The following SSBP2 variants were observed in gnomAD, a reference collection of about 807,000 sequenced individuals.
The protein encoded by SSBP2 is single-stranded DNA-binding protein 2.
SSBP2 carries 17 observed loss-of-function variants against 61.8 expected under a neutral mutation model. That is an observed-to-expected ratio of 0.28 (90% CI 0.19 to 0.41). The LOEUF is 0.41. SSBP2 is among the 10% of genes least tolerant of loss of function. The probability of loss-of-function intolerance (pLI) is 1.00; values close to 1 mark genes in which losing one functional copy is unlikely to be tolerated. For synonymous variants in SSBP2, 139 were observed against 141.3 expected, an observed-to-expected ratio of 0.98 and a Z score of 0.12; for missense variants, 310 against 458.7, an observed-to-expected ratio of 0.68 and a Z score of 2.96.
intron 16 of SSBP2, among the ~76,000 whole-genome samples, chr5:81,424,993 A>T (rs1186448480): frequency 6.6e-6 from 1 of 152,200 alleles, no homozygotes; most frequent in East Asian, 1.9e-4. Context: ...CCAGATGATA[A>T]AACAGCTCTT....
At chr5:81,615,373 G>T in intron 4 of SSBP2, 100 bp downstream of exon 4, 1 of 878,154 alleles carries the variant, frequency 1.1e-6, no homozygotes, top group Non-Finnish European at 1.9e-6. Flanking sequence ...AATTTCTTAA[G>T]TACCAAAACA....
chr5:81,637,675 G>A (rs1748365073), intron 2 of SSBP2, among the ~76,000 whole-genome samples: 1 of 152,122 alleles, frequency 6.6e-6, no homozygotes, highest in Admixed American at 6.5e-5. Context: ...ATATCACAAG[G>A]TTGTTGTGAG....
At chr5:81,729,082 C>A (rs1469006467) in intron 1 of SSBP2, among the ~76,000 whole-genome samples, 1 of 152,028 alleles carries the variant, frequency 6.6e-6, no homozygotes, top group Non-Finnish European at 1.5e-5. Flanking sequence ...TATATCAAAA[C>A]ACCGTATTGT....
chr5:81,666,208 C>T (rs1156815012), intron 1 of SSBP2, among the ~76,000 whole-genome samples: 1 of 152,142 alleles, frequency 6.6e-6, no homozygotes, highest in Non-Finnish European at 1.5e-5. Flanking sequence ...TTGTTTTAAA[C>T]ACACTTATAA....
At chr5:81,702,493 C>T (rs1754063694) in intron 1 of SSBP2, among the ~76,000 whole-genome samples, 2 of 152,038 alleles carry the variant, frequency 1.3e-5, no homozygotes, top group South Asian at 4.1e-4. Context: ...GCAATAGAAA[C>T]AAAATAATGG....
At chr5:81,459,357 C>A (rs971927333) in intron 10 of SSBP2, among the ~76,000 whole-genome samples, 6 of 152,268 alleles carry the variant, frequency 3.9e-5, no homozygotes, top group African/African-American at 1.2e-4. Context: ...ACCCTGTCCA[C>A]CTTCCTAGGT....
At chr5:81,423,310 T>C (rs1761728592) in intron 16 of SSBP2, among the ~76,000 whole-genome samples, 3 of 152,254 alleles carry the variant, frequency 2.0e-5, no homozygotes. Flanking sequence ...TTTAGTCGTA[T>C]GTAATTTTAA....
At chr5:81,426,586 G>A (rs1160939149) in intron 16 of SSBP2, among the ~76,000 whole-genome samples, 1 of 152,214 alleles carries the variant, frequency 6.6e-6, no homozygotes, top group African/African-American at 2.4e-5. Flanking sequence ...GTTTCTAAAT[G>A]CACATATTCA....
At chr5:81,472,387 A>T (rs1027519109) in intron 8 of SSBP2, among the ~76,000 whole-genome samples, 1 of 152,148 alleles carries the variant, frequency 6.6e-6, no homozygotes, top group African/African-American at 2.4e-5. Flanking sequence ...TTTTATAGAG[A>T]AGTCAGCTAA....
chr5:81,555,711 C>T (rs1772540872), intron 4 of SSBP2, among the ~76,000 whole-genome samples: 1 of 152,010 alleles, frequency 6.6e-6, no homozygotes, highest in African/African-American at 2.4e-5. Flanking sequence ...ATAACAATTG[C>T]TGTTAACATT....
intron 1 of SSBP2, among the ~76,000 whole-genome samples, chr5:81,678,765 A>G (rs1295940658): frequency 1.3e-5 from 2 of 152,134 alleles, no homozygotes; most frequent in African/African-American, 4.8e-5. Flanking sequence ...AATAAAGTAG[A>G]GTTGAGAGGA....
At chr5:81,593,011 GAGA>G (rs1743248411) in intron 4 of SSBP2, among the ~76,000 whole-genome samples, 2 of 152,202 alleles carry the variant, frequency 1.3e-5, no homozygotes, top group South Asian at 2.1e-4. Flanking sequence ...GACGAGTTGA[GAGA>G]AGAAGGCTTC....
intron 9 of SSBP2, among the ~76,000 whole-genome samples, chr5:81,462,980 CTAAA>C (rs1259152930): frequency 6.6e-6 from 1 of 151,732 alleles, no homozygotes; most frequent in Non-Finnish European, 1.5e-5. Context: ...ACATGCTAAC[CTAAA>C]TGTTAAAATA....
chr5:81,682,650 T>C (rs985574503), intron 1 of SSBP2, among the ~76,000 whole-genome samples: 2 of 152,124 alleles, frequency 1.3e-5, no homozygotes, highest in Non-Finnish European at 1.5e-5. Context: ...TTTTTGGCAT[T>C]GTACTGGAAG....
intron 1 of SSBP2, among the ~76,000 whole-genome samples, chr5:81,721,455 T>C (rs1048290787): frequency 6.6e-6 from 1 of 151,964 alleles, no homozygotes; most frequent in African/African-American, 2.4e-5. Context: ...CTAAGCAAAA[T>C]ACAAAGAACC....
chr5:81,699,854 CTTT>C (rs3081889), intron 1 of SSBP2, among the ~76,000 whole-genome samples: 12,241 of 124,790 alleles, frequency 0.098, 425 homozygotes, highest in African/African-American at 0.14. Flanking sequence ...AAATCAATTT[CTTT>C]TTTTTTTTTT....
chr5:81,684,355 A>C (rs1407338571), intron 1 of SSBP2, among the ~76,000 whole-genome samples: 1 of 152,208 alleles, frequency 6.6e-6, no homozygotes, highest in Non-Finnish European at 1.5e-5. Context: ...AAAGGCTATG[A>C]ACTGCATGGT....
chr5:81,729,563 C>T (rs1206694745), intron 1 of SSBP2, among the ~76,000 whole-genome samples: 2 of 151,938 alleles, frequency 1.3e-5, no homozygotes, highest in Non-Finnish European at 1.5e-5. Context: ...ATGATAATAC[C>T]ATGCCATGAA....
chr5:81,503,337 C>A (rs1767939256), intron 5 of SSBP2, among the ~76,000 whole-genome samples: 1 of 152,056 alleles, frequency 6.6e-6, no homozygotes, highest in Admixed American at 6.5e-5. Context: ...GCCTGTAATC[C>A]CAGCTACTCG....
Sources: allele counts gnomAD v4.1 joint callset (sites outside exome capture counted in the v4.1 genomes callset), GRCh38; gene constraint gnomAD v4.1.1; transcripts MANE v1.5; gene names NCBI Gene and HGNC (gene_info 2026-07-23, HGNC 2026-07-21).